The following PPFIA2 variants were observed in gnomAD, a reference collection of about 807,000 sequenced individuals.
PPFIA2 encodes the protein liprin-alpha-2.
In PPFIA2, 46 loss-of-function variants were observed where a neutral mutation model predicts 175.5. That is an observed-to-expected ratio of 0.26 (90% CI 0.21 to 0.34). The LOEUF (loss-of-function observed/expected upper bound fraction) is 0.34. Among genes scored for constraint, PPFIA2 ranks in the 10% least tolerant of loss-of-function variants. The pLI is 1.00. For missense variants in PPFIA2, 1,179 were observed against 1,506.1 expected (o/e 0.78, Z 3.60); for synonymous variants, 568 against 511.4 (o/e 1.11, Z -1.49).
intron 4 of PPFIA2, among the ~76,000 whole-genome samples, chr12:81,561,368 C>G (rs761814051): frequency 1.1e-4 from 17 of 152,094 alleles, no homozygotes; most frequent in Non-Finnish European, 1.8e-4. Context: ...TGATAGGCAA[C>G]TATGATAGTA....
In PPFIA2 at chr12:81,715,970, AATTT is replaced by A. The variant is rs1680161400; in HGVS notation, c.249+37999_249+38002del. Among the ~76,000 whole-genome samples the A allele has an allele frequency of 2.6e-5, 4 of 151,568 alleles. No individual in the cohort carries two copies. The South Asian group carries it at 6.2e-4, about 24-fold the overall frequency. ...AAAAACTTTAATTAGAACTGGAATA[AATTT>A]ATTAAATTTTCTGTAACAAATATTT... On this transcript the variant is annotated intron_variant, in intron 3 of 32. Transcript: ENST00000549396.
chr12:81,404,213 A>C (rs188348551), intron 8 of PPFIA2, among the ~76,000 whole-genome samples: 2 of 152,208 alleles, frequency 1.3e-5, no homozygotes, highest in East Asian at 3.8e-4. Flanking sequence ...GGATAAAAAA[A>C]ATCTGAAGTT....
intron 21 of PPFIA2, among the ~76,000 whole-genome samples, chr12:81,334,964 T>A (rs1285381560): frequency 6.6e-6 from 1 of 152,216 alleles, no homozygotes; most frequent in Non-Finnish European, 1.5e-5. Flanking sequence ...TCCTCTGGAA[T>A]TGCTTTGACA....
At chr12:81,316,452 T>G (rs1222256112) in intron 22 of PPFIA2, among the ~76,000 whole-genome samples, 3 of 151,622 alleles carry the variant, frequency 2.0e-5, no homozygotes, top group South Asian at 4.1e-4. Context: ...CACTCTCTTG[T>G]AAGTTTTACT....
chr12:81,579,751 T>C (rs980454870), intron 4 of PPFIA2, among the ~76,000 whole-genome samples: 4 of 151,878 alleles, frequency 2.6e-5, no homozygotes, highest in Admixed American at 2.6e-4. Flanking sequence ...CATTCACCAT[T>C]CTTCACATAG....
intron 4 of PPFIA2, among the ~76,000 whole-genome samples, chr12:81,514,050 G>T (rs1017149736): frequency 6.6e-6 from 1 of 151,892 alleles, no homozygotes; most frequent in Non-Finnish European, 1.5e-5. Flanking sequence ...AATACTACAT[G>T]AGCAGATTGA....
intron 7 of PPFIA2, among the ~76,000 whole-genome samples, chr12:81,437,379 G>A (rs532767330): frequency 2.6e-5 from 4 of 151,134 alleles, no homozygotes; most frequent in African/African-American, 7.3e-5. Flanking sequence ...ACAGGCACCC[G>A]CCACCAAGCC....
intron 4 of PPFIA2, among the ~76,000 whole-genome samples, chr12:81,509,955 G>T (rs1374085968): frequency 6.6e-6 from 1 of 152,078 alleles, no homozygotes; most frequent in Non-Finnish European, 1.5e-5. Context: ...GAATTTAGAA[G>T]AGGAGAAAAG....
chr12:81,708,258 T>C (rs1304631714), intron 3 of PPFIA2, among the ~76,000 whole-genome samples: 1 of 152,086 alleles, frequency 6.6e-6, no homozygotes, highest in Non-Finnish European at 1.5e-5. Flanking sequence ...TTTATTTTTA[T>C]GTTTTTAATT....
chr12:81,402,354 A>T (rs1031186271), intron 8 of PPFIA2, among the ~76,000 whole-genome samples: 1 of 151,598 alleles, frequency 6.6e-6, no homozygotes, highest in African/African-American at 2.4e-5. Flanking sequence ...TAAAAAAAAA[A>T]TAAGTATTAG....
chr12:81,576,274 G>A (rs1262995790), intron 4 of PPFIA2, among the ~76,000 whole-genome samples: 3 of 151,718 alleles, frequency 2.0e-5, no homozygotes, highest in African/African-American at 7.3e-5. Context: ...AGATTTGAAG[G>A]ATAAAGAGAT....
At chr12:81,371,900 C>CAA (rs2035205491) in intron 11 of PPFIA2, among the ~76,000 whole-genome samples, 1 of 145,054 alleles carries the variant, frequency 6.9e-6, no homozygotes, top group African/African-American at 2.6e-5. Context: ...CCTATACACA[C>CAA]ACACACACAA....
chr12:81,659,804 C>G lies in PPFIA2; in HGVS notation c.303+16987G>C, dbSNP rs544050850. ...GAGTAGCCTAACTGGGAGGCACCCC[C>G]TAGTACGGGCAGACTGACACCTCAC... On this transcript the variant is annotated intron_variant, in intron 4 of 32. Coordinates refer to ENST00000549396, the MANE Select transcript of PPFIA2 (RefSeq NM_003625.5). 1.2e-4 allele frequency among the ~76,000 whole-genome samples: 19 copies of G among 152,280 alleles called. No homozygotes were observed. The South Asian group carries it at 3.9e-3, about 32-fold the overall frequency.
chr12:81,703,944 T>G (rs2076798201), intron 3 of PPFIA2, among the ~76,000 whole-genome samples: 1 of 152,320 alleles, frequency 6.6e-6, no homozygotes, highest in East Asian at 1.9e-4. Context: ...TTGATTTGAC[T>G]TATTATTCTA....
chr12:81,642,705 T>TATTATATACATACAC (rs1567687468), intron 4 of PPFIA2, among the ~76,000 whole-genome samples: 2 of 36,012 alleles, frequency 5.6e-5, no homozygotes, highest in African/African-American at 9.7e-5. Flanking sequence ...TACATGTATA[T>TATTATATACATACAC]GTATGTATGT....
At chr12:81,369,333 G>C (rs995146194) in intron 11 of PPFIA2, 139 bp from the exon 12 acceptor site, 31 of 1,502,034 alleles carry the variant, frequency 2.1e-5, no homozygotes, top group Non-Finnish European at 2.3e-5. Context: ...TCTTCAAACA[G>C]GCAGCTGAAC....
At chr12:81,469,357 A>G (rs1444874464) in intron 4 of PPFIA2, among the ~76,000 whole-genome samples, 1 of 152,228 alleles carries the variant, frequency 6.6e-6, no homozygotes, top group Non-Finnish European at 1.5e-5. Context: ...TACAATGGTG[A>G]AAAAGACATC....
At chr12:81,599,326 T>C (rs993030888) in intron 4 of PPFIA2, among the ~76,000 whole-genome samples, 3 of 151,972 alleles carry the variant, frequency 2.0e-5, no homozygotes, top group African/African-American at 7.2e-5. Flanking sequence ...TATTATTCAT[T>C]AGTATTTCTG....
intron 4 of PPFIA2, among the ~76,000 whole-genome samples, chr12:81,676,488 T>C (rs1351465978): frequency 1.3e-5 from 2 of 152,038 alleles, no homozygotes; most frequent in Non-Finnish European, 2.9e-5. Flanking sequence ...TATACTCATA[T>C]TTAGAAAAAC....
Sources: allele counts gnomAD v4.1 joint callset (sites outside exome capture counted in the v4.1 genomes callset), GRCh38; gene constraint gnomAD v4.1.1; transcripts MANE v1.5; gene names NCBI Gene and HGNC (gene_info 2026-07-23, HGNC 2026-07-21).